Variants in NKAIN2 observed in about 807,000 individuals in gnomAD.
The protein encoded by NKAIN2 is sodium/potassium-transporting ATPase subunit beta-1-interacting protein 2.
In NKAIN2, 14 loss-of-function variants were observed where a neutral mutation model predicts 32.6. The observed-to-expected ratio is 0.43, with a 90% CI of 0.28 to 0.67. The LOEUF (loss-of-function observed/expected upper bound fraction) is 0.67. Among genes scored for constraint, NKAIN2 ranks in the 30% least tolerant of loss-of-function variants. The pLI is 0.17. For synonymous variants in NKAIN2, 80 were observed against 87.2 expected (o/e 0.92, Z 0.46); for missense variants, 198 against 258.3 (o/e 0.77, Z 1.60).
At chr6:124,547,077 A>G (rs998981881) in intron 3 of NKAIN2, among the ~76,000 whole-genome samples, 2 of 152,138 alleles carry the variant, frequency 1.3e-5, no homozygotes, top group African/African-American at 2.4e-5. Flanking sequence ...ATGAACATCA[A>G]GGTTTTTTTT....
intron 1 of NKAIN2, among the ~76,000 whole-genome samples, chr6:123,898,091 C>G (rs1774372073): frequency 6.6e-6 from 1 of 152,098 alleles, no homozygotes; most frequent in Non-Finnish European, 1.5e-5. Context: ...GAATAATAAT[C>G]CAGATATGAT....
At chr6:123,850,332 G>A (rs1308161989) in intron 1 of NKAIN2, among the ~76,000 whole-genome samples, 1 of 123,384 alleles carries the variant, frequency 8.1e-6, no homozygotes. Flanking sequence ...GATAACACTT[G>A]CAAGCTGCTG....
intron 1 of NKAIN2, among the ~76,000 whole-genome samples, chr6:123,808,688 G>A (rs1336073653): frequency 1.3e-5 from 2 of 152,156 alleles, no homozygotes; most frequent in African/African-American, 4.8e-5. Flanking sequence ...TGGATGGGCA[G>A]CATTTTTTCT....
At chr6:124,411,411 T>C (rs1396334487) in intron 3 of NKAIN2, among the ~76,000 whole-genome samples, 1 of 152,194 alleles carries the variant, frequency 6.6e-6, no homozygotes, top group African/African-American at 2.4e-5. Context: ...TGCTTGTCTG[T>C]AAAGTATTTT....
chr6:124,616,437 C>T (rs201998398), intron 3 of NKAIN2, among the ~76,000 whole-genome samples: 90 of 70,428 alleles, frequency 1.3e-3, no homozygotes, highest in African/African-American at 3.9e-3. Flanking sequence ...TCTTTTCTTT[C>T]TTTTTTTTTT....
chr6:124,080,902 G>A (rs1783938667), intron 1 of NKAIN2, among the ~76,000 whole-genome samples: 2 of 152,100 alleles, frequency 1.3e-5, no homozygotes. Flanking sequence ...AGAGAAATCA[G>A]GAGTCCTTGT....
At chr6:124,638,184 T>C (rs1175060187) in intron 3 of NKAIN2, among the ~76,000 whole-genome samples, 3 of 152,152 alleles carry the variant, frequency 2.0e-5, no homozygotes, top group African/African-American at 4.8e-5. Context: ...CTTCAATACA[T>C]AGTGCTGGGA....
intron 2 of NKAIN2, among the ~76,000 whole-genome samples, chr6:124,310,381 A>C (rs2114998438): frequency 6.6e-6 from 1 of 152,296 alleles, no homozygotes; most frequent in South Asian, 2.1e-4. Context: ...CTTAAGACAA[A>C]GACTTTAATG....
chr6:124,408,469 T>C lies in NKAIN2; in HGVS notation c.273+53122T>C, dbSNP rs985396067. Among the ~76,000 whole-genome samples, 42 of 152,240 alleles carry C rather than the reference T, an allele frequency of 2.8e-4. 1 individual carries two copies. Among genetic ancestry groups the C allele is most frequent in the South Asian group, 2.5e-3 (12 of 4,820 alleles). The stretch of plus-strand genomic sequence containing the variant: ...TAAATAGGGAATCCTTTCCCCATTG[T>C]TTGTTTTTGTCAGGTTTGTCAAAGA... On this transcript the variant is annotated intron_variant, in intron 3 of 6. Transcript: ENST00000368417.
intron 3 of NKAIN2, among the ~76,000 whole-genome samples, chr6:124,551,045 A>G (rs482995): frequency 0.98 from 149,021 of 152,266 alleles, 72,998 homozygotes; most frequent in South Asian, 1. Flanking sequence ...ATGTGACAGC[A>G]TGCTTTTCTG....
At chr6:124,671,124 G>A (rs749711565) in intron 4 of NKAIN2, among the ~76,000 whole-genome samples, 1 of 152,002 alleles carries the variant, frequency 6.6e-6, no homozygotes. Flanking sequence ...CATTTAACAC[G>A]AAGCCTTAAG....
intron 3 of NKAIN2, among the ~76,000 whole-genome samples, chr6:124,433,618 T>G (rs894630814): frequency 6.6e-6 from 1 of 152,192 alleles, no homozygotes; most frequent in Non-Finnish European, 1.5e-5. Flanking sequence ...TCATTTCCCA[T>G]CAGCTCCTAT....
chr6:124,103,807 G>A lies in NKAIN2; in HGVS notation c.55-179198G>A, dbSNP rs895641427. ...GTCATTTAAAAATTCTGAACCTGGGGCCGGGTGCGGTGGCTCATGCCTGTA... is the reference window on the plus strand; with the variant it reads ...GTCATTTAAAAATTCTGAACCTGGGACCGGGTGCGGTGGCTCATGCCTGTA... On this transcript the variant is annotated intron_variant, in intron 1 of 6. Coordinates refer to ENST00000368417, the MANE Select transcript of NKAIN2 (RefSeq NM_001040214.3). Among the ~76,000 whole-genome samples, 12 of 152,072 alleles carry A rather than the reference G, an allele frequency of 7.9e-5. No individual in the cohort carries two copies. In the South Asian group the frequency reaches 1.5e-3, roughly 18 times the overall value.
At chr6:124,128,733 A>G (rs1432776631) in intron 1 of NKAIN2, among the ~76,000 whole-genome samples, 1 of 152,194 alleles carries the variant, frequency 6.6e-6, no homozygotes, top group Non-Finnish European at 1.5e-5. Flanking sequence ...GCTGACATTC[A>G]TACATTTATT....
chr6:124,134,215 G>T (rs998709519), intron 1 of NKAIN2, among the ~76,000 whole-genome samples: 3 of 151,928 alleles, frequency 2.0e-5, no homozygotes, highest in Non-Finnish European at 2.9e-5. Context: ...ACAACTTCTG[G>T]AAAGAAAAGA....
At chr6:124,655,688 C>A (rs1356791167) in intron 3 of NKAIN2, among the ~76,000 whole-genome samples, 1 of 152,134 alleles carries the variant, frequency 6.6e-6, no homozygotes, top group Non-Finnish European at 1.5e-5. Flanking sequence ...TTCACTGTCA[C>A]TGCTTTGGGC....
At chr6:124,084,203 T>C (rs1784097004) in intron 1 of NKAIN2, among the ~76,000 whole-genome samples, 1 of 151,986 alleles carries the variant, frequency 6.6e-6, no homozygotes, top group South Asian at 2.1e-4. Context: ...TTATATCTCT[T>C]GTATCTCAGG....
chr6:124,437,583 A>G (rs1387971487), intron 3 of NKAIN2, among the ~76,000 whole-genome samples: 1 of 151,794 alleles, frequency 6.6e-6, no homozygotes, highest in African/African-American at 2.4e-5. Flanking sequence ...TATCTCATTC[A>G]ACAATATGGA....
intron 1 of NKAIN2, among the ~76,000 whole-genome samples, chr6:124,048,129 C>T (rs1212636333): frequency 6.6e-6 from 1 of 152,032 alleles, no homozygotes; most frequent in Non-Finnish European, 1.5e-5. Context: ...TTCTGCTCCT[C>T]CCATCCTGCT....
Sources: allele counts gnomAD v4.1 joint callset (sites outside exome capture counted in the v4.1 genomes callset), GRCh38; gene constraint gnomAD v4.1.1; transcripts MANE v1.5; gene names NCBI Gene and HGNC (gene_info 2026-07-23, HGNC 2026-07-21).